FRAS1: variants seen among roughly 807,000 people sequenced by gnomAD.
The protein encoded by FRAS1 is extracellular matrix organizing protein FRAS1.
FRAS1 carries 290 observed loss-of-function variants against 435.2 expected under a neutral mutation model. The observed-to-expected ratio is 0.67, with a 90% CI of 0.61 to 0.73. The LOEUF (loss-of-function observed/expected upper bound fraction) is 0.73, where lower values mean the gene tolerates loss of function less well. FRAS1 is among the 30% of genes least tolerant of loss of function. The pLI, the probability that FRAS1 is intolerant of heterozygous loss-of-function variation, is 0.00. For synonymous variants in FRAS1, 1,800 were observed against 1,851.0 expected (o/e 0.97, Z 0.71); for missense variants, 4,860 against 5,001.5 (o/e 0.97, Z 0.85).
chr4:78,145,969 T>C (rs1385997002), intron 2 of FRAS1, among the ~76,000 whole-genome samples: 5 of 152,168 alleles, frequency 3.3e-5, no homozygotes, highest in African/African-American at 7.2e-5. Flanking sequence ...GCCATAATTG[T>C]TAAGTTTCCT....
chr4:78,475,551 G>T lies in FRAS1; in HGVS notation c.7796G>T (p.Ser2599Ile). Residue 2599 changes from serine to isoleucine, a missense_variant, in exon 54 of 74, where the codon AGC (serine) becomes ATC (isoleucine). Physicochemically the swap from Ser to Ile is moderately radical, Grantham distance 142. Transcript: ENST00000512123. Reference sequence around the variant, plus strand: ...ACCGAGCAAGGCACCGCCAGCTCCAGCTCCAGGGTCAGCTCCCAACCTGGG... The same window carrying T: ...ACCGAGCAAGGCACCGCCAGCTCCATCTCCAGGGTCAGCTCCCAACCTGGG... ...CRTEQGTASS[S>I]SRVSSQPGQQ... 1 of 1,613,650 alleles carries T rather than the reference G, an allele frequency of 6.2e-7. No individual in the cohort carries two copies. The highest frequency in any genetic ancestry group is 8.5e-7 in the Non-Finnish European group (1 of 1,179,708).
chr4:78,113,737 T>G (rs10023589), intron 2 of FRAS1, among the ~76,000 whole-genome samples: 3 of 151,870 alleles, frequency 2.0e-5, no homozygotes, highest in African/African-American at 7.3e-5. Context: ...AGCCCTTTGT[T>G]AGATGAGTAG....
intron 2 of FRAS1, among the ~76,000 whole-genome samples, chr4:78,227,367 A>C (rs150961788): frequency 6.6e-6 from 1 of 152,342 alleles, no homozygotes; most frequent in Non-Finnish European, 1.5e-5. Context: ...TGCTAGAATC[A>C]CCTCTAAACC....
chr4:78,354,023 T>TAAAAAAAA (rs767987937), intron 20 of FRAS1, among the ~76,000 whole-genome samples: 1 of 105,958 alleles, frequency 9.4e-6, no homozygotes, highest in Admixed American at 1.1e-4. Context: ...AAAAATAAAA[T>TAAAAAAAA]AAAAAAAAAA....
Position 78,542,713 on chromosome 4 carries a change from A to G in FRAS1, c.*1589A>G, listed in dbSNP as rs1375670067. 6.6e-6 allele frequency: 1 copy of G among 152,670 alleles called. No homozygotes were observed. Among genetic ancestry groups the G allele is most frequent in the Non-Finnish European group, 1.5e-5 (1 of 68,050 alleles). The allele number at this position is 152,670 out of a possible 1,614,324, so 9.5% of individuals were successfully genotyped here. The stretch of plus-strand genomic sequence containing the variant: ...TGTGAGCCACGCCTTTCATTCTTCA[A>G]CAGTGCCTTGCATGTAACAAGCACT... On this transcript the variant is annotated 3_prime_UTR_variant, in exon 74 of 74. Coordinates refer to ENST00000512123, the MANE Select transcript of FRAS1 (RefSeq NM_025074.7).
At chr4:78,156,699 T>A (rs536582683) in intron 2 of FRAS1, among the ~76,000 whole-genome samples, 1 of 152,354 alleles carries the variant, frequency 6.6e-6, no homozygotes, top group South Asian at 2.1e-4. Context: ...TTCAGATGAC[T>A]GAATTGAATG....
chr4:78,183,732 T>TAGTGTGTGTGTGTG (rs1553927606), intron 2 of FRAS1, among the ~76,000 whole-genome samples: 1 of 136,940 alleles, frequency 7.3e-6, no homozygotes, highest in Non-Finnish European at 1.6e-5. Flanking sequence ...TTCATTCTCT[T>TAGTGTGTGTGTGTG]TGTGTGTGTG....
At chr4:78,286,754 T>C (rs1176803517) in intron 14 of FRAS1, among the ~76,000 whole-genome samples, 2 of 152,222 alleles carry the variant, frequency 1.3e-5, no homozygotes, top group Admixed American at 1.3e-4. Context: ...TATTCGGTTC[T>C]TATCAATATG....
At chr4:78,236,417 G>T (rs1270989533) in intron 2 of FRAS1, among the ~76,000 whole-genome samples, 1 of 151,938 alleles carries the variant, frequency 6.6e-6, no homozygotes, top group East Asian at 1.9e-4. Context: ...AGATTTTGGT[G>T]CACCCATCAC....
Position 78,424,455 on chromosome 4 carries a change from A to T in FRAS1, c.4711+35A>T. 4 of 1,214,136 alleles carry T rather than the reference A, an allele frequency of 3.3e-6. No homozygotes were observed. In the South Asian group the frequency reaches 5.3e-5, roughly 16 times the overall value. The allele number at this position is 1,214,136 out of a possible 1,614,324, so 75.2% of individuals were successfully genotyped here. A position where few individuals can be genotyped will look rare whatever the true frequency, so the allele number is the denominator to read the frequency against. On this transcript the variant is annotated intron_variant, in intron 35 of 73. Coordinates refer to ENST00000512123, the MANE Select transcript of FRAS1 (RefSeq NM_025074.7). ...CATCTAAATTTTACTAGAAAGTGAA[A>T]TTTTTTCTTTCCTTATTAGTTCTTT...
At chr4:78,254,695 A>C (rs539418613) in intron 5 of FRAS1, among the ~76,000 whole-genome samples, 18 of 152,284 alleles carry the variant, frequency 1.2e-4, no homozygotes, top group Non-Finnish European at 2.1e-4. Context: ...CAACAACATA[A>C]TTTGCAAAAA....
chr4:78,252,057 CAT>C (rs1369444333), intron 4 of FRAS1, among the ~76,000 whole-genome samples: 4 of 152,098 alleles, frequency 2.6e-5, no homozygotes, highest in East Asian at 1.9e-4. Context: ...ACACAGTAAA[CAT>C]ATGTGTATTT....
Position 78,086,152 on chromosome 4 carries a change from G to A in FRAS1, c.108+20136G>A, listed in dbSNP as rs544751263. On this transcript the variant is annotated intron_variant, in intron 2 of 73. Coordinates refer to ENST00000512123, the MANE Select transcript of FRAS1 (RefSeq NM_025074.7). ...AAAACTGCTCAACTACATGGAAACT[G>A]AACAAACTGCTCCTGAATGACTACT... Among the ~76,000 whole-genome samples the A allele has an allele frequency of 9.9e-5, 15 of 152,272 alleles. No homozygotes were observed. The East Asian group carries it at 2.7e-3, about 27-fold the overall frequency.
intron 2 of FRAS1, among the ~76,000 whole-genome samples, chr4:78,230,372 T>G (rs1372659007): frequency 6.6e-6 from 1 of 152,242 alleles, no homozygotes; most frequent in African/African-American, 2.4e-5. Context: ...GTCTCACATC[T>G]TTTCTTAGCG....
chr4:78,533,489 G>A (rs934400098), intron 70 of FRAS1, among the ~76,000 whole-genome samples: 1 of 152,206 alleles, frequency 6.6e-6, no homozygotes, highest in African/African-American at 2.4e-5. Context: ...AGCTTTACCG[G>A]TCATGGCAAA....
chr4:78,424,930 G>GAAA (rs373930990), intron 35 of FRAS1, among the ~76,000 whole-genome samples: 1 of 145,856 alleles, frequency 6.9e-6, no homozygotes, highest in African/African-American at 2.5e-5. Flanking sequence ...CTTATCTCAA[G>GAAA]AAAAAAAAAA....
intron 4 of FRAS1, among the ~76,000 whole-genome samples, chr4:78,248,466 G>T (rs1725363117): frequency 6.6e-6 from 1 of 152,130 alleles, no homozygotes; most frequent in Non-Finnish European, 1.5e-5. Flanking sequence ...GGGCTTGAAG[G>T]TTTACTGAAA....
chr4:78,282,138 C>T (rs1727359202), intron 11 of FRAS1, among the ~76,000 whole-genome samples: 1 of 152,230 alleles, frequency 6.6e-6, no homozygotes, highest in African/African-American at 2.4e-5. Context: ...TCACCTCCCT[C>T]ATCACCCCAA....
intron 15 of FRAS1, 93 bp from the exon 16 acceptor site, chr4:78,315,500 AT>A: frequency 7.9e-7 from 1 of 1,271,400 alleles, no homozygotes; most frequent in Non-Finnish European, 1.1e-6. Context: ...AGATTATGAT[AT>A]TGATACCCAT....
Sources: allele counts gnomAD v4.1 joint callset (sites outside exome capture counted in the v4.1 genomes callset), GRCh38; gene constraint gnomAD v4.1.1; transcripts MANE v1.5; gene names NCBI Gene and HGNC (gene_info 2026-07-23, HGNC 2026-07-21).